BRINP3: variants seen among roughly 807,000 people sequenced by gnomAD.
BRINP3 encodes BMP/retinoic acid inducible neural specific 3.
BRINP3 carries 19 observed loss-of-function variants against 71.0 expected under a neutral mutation model. That is an observed-to-expected ratio of 0.27 (90% CI 0.19 to 0.39). BRINP3 has a LOEUF of 0.39. Ranked by LOEUF, BRINP3 falls within the 10% of genes least tolerant of loss-of-function variation. The pLI is 1.00. For missense variants in BRINP3, 959 were observed against 940.8 expected (o/e 1.02, Z -0.25); for synonymous variants, 380 against 337.7 (o/e 1.13, Z -1.37).
rs545751700 is a variant in BRINP3 at position 190,121,498 on chromosome 1, A to T, written c.1185-22364T>A. On this transcript the variant is annotated intron_variant, in intron 7 of 7. Transcript: ENST00000367462. Reference sequence around the variant, plus strand: ...GAAATCAATTTGCTAACAATGTGCTATTGATATGTTTGTATTTACTGCAGA... The same window carrying T: ...GAAATCAATTTGCTAACAATGTGCTTTTGATATGTTTGTATTTACTGCAGA... Among the ~76,000 whole-genome samples, 19 of 152,316 alleles carry T rather than the reference A, an allele frequency of 1.2e-4. 1 individual carries two copies. The South Asian group carries it at 3.9e-3, about 32-fold the overall frequency.
chr1:190,368,586 A>G (rs200003660), intron 2 of BRINP3, among the ~76,000 whole-genome samples: 1 of 152,142 alleles, frequency 6.6e-6, no homozygotes, highest in East Asian at 1.9e-4. Flanking sequence ...CCCATTTAAG[A>G]TTAAACAAGT....
In BRINP3 at chr1:190,344,859, C is replaced by T. The variant is rs540822114; in HGVS notation, c.237-63109G>A. 1.4e-3 allele frequency among the ~76,000 whole-genome samples: 206 copies of T among 151,838 alleles called. 1 individual carries two copies. The highest frequency in any genetic ancestry group is 4.7e-3 in the African/African-American group (195 of 41,502). ...ATTATTTTAACCTATATGCCATCAA[C>T]GACCTTAGGGAATAGACATTCAGAG... is the stretch of plus-strand genomic sequence containing the variant. On this transcript the variant is annotated intron_variant, in intron 2 of 7. Coordinates refer to ENST00000367462, the MANE Select transcript of BRINP3 (RefSeq NM_199051.3).
intron 7 of BRINP3, among the ~76,000 whole-genome samples, chr1:190,103,068 T>C (rs1182007442): frequency 6.6e-6 from 1 of 152,122 alleles, no homozygotes; most frequent in Non-Finnish European, 1.5e-5. Flanking sequence ...ACATTATACA[T>C]GTGTCAAAAG....
chr1:190,202,603 A>G (rs1405623918), intron 6 of BRINP3, among the ~76,000 whole-genome samples: 1 of 152,066 alleles, frequency 6.6e-6, no homozygotes, highest in Admixed American at 6.6e-5. Context: ...TAATTCCTAC[A>G]TGCTGTGGGA....
chr1:190,166,365 A>G (rs912015535), intron 6 of BRINP3, among the ~76,000 whole-genome samples: 4 of 152,294 alleles, frequency 2.6e-5, no homozygotes, highest in African/African-American at 9.6e-5. Flanking sequence ...ATATTAAAGC[A>G]TTTCAATACA....
chr1:190,431,146 C>T (rs187460908), intron 2 of BRINP3, among the ~76,000 whole-genome samples: 662 of 152,092 alleles, frequency 4.4e-3, no homozygotes, highest in Middle Eastern at 0.017. Context: ...ATTCTCATAA[C>T]ATTATTTTTA....
intron 1 of BRINP3, among the ~76,000 whole-genome samples, chr1:190,470,191 T>TA (rs965437242): frequency 1.3e-5 from 2 of 150,514 alleles, no homozygotes; most frequent in South Asian, 2.1e-4. Flanking sequence ...GAAAAGTTAA[T>TA]AAAAAAAAGC....
intron 7 of BRINP3, among the ~76,000 whole-genome samples, chr1:190,153,172 C>A (rs1207470700): frequency 6.6e-6 from 1 of 152,082 alleles, no homozygotes; most frequent in Non-Finnish European, 1.5e-5. Flanking sequence ...CCTTCTTCTT[C>A]TGTTGTCCTC....
At chr1:190,287,599 C>A (rs1284486797) in intron 2 of BRINP3, among the ~76,000 whole-genome samples, 1 of 152,040 alleles carries the variant, frequency 6.6e-6, no homozygotes, top group African/African-American at 2.4e-5. Flanking sequence ...TGTAGGATTT[C>A]TGATAAGCAC....
chr1:190,323,645 T>C (rs1666395070), intron 2 of BRINP3, among the ~76,000 whole-genome samples: 1 of 151,686 alleles, frequency 6.6e-6, no homozygotes, highest in South Asian at 2.1e-4. Flanking sequence ...TTAAGGCTGC[T>C]TATTTCACAG....
chr1:190,369,761 T>G (rs1669740953), intron 2 of BRINP3, among the ~76,000 whole-genome samples: 1 of 152,112 alleles, frequency 6.6e-6, no homozygotes. Context: ...ATAACGACTA[T>G]GAACTTACTG....
At chr1:190,296,211 T>G (rs1664243251) in intron 2 of BRINP3, among the ~76,000 whole-genome samples, 1 of 146,032 alleles carries the variant, frequency 6.8e-6, no homozygotes, top group South Asian at 2.2e-4. Flanking sequence ...ATTCCTAGGA[T>G]GTACCCACAA....
At chr1:190,419,690 T>TATACACAC (rs1553316659) in intron 2 of BRINP3, among the ~76,000 whole-genome samples, 20 of 148,358 alleles carry the variant, frequency 1.3e-4, no homozygotes, top group Non-Finnish European at 3.0e-4. Context: ...TATACATTTA[T>TATACACAC]ACACACACAC....
intron 2 of BRINP3, among the ~76,000 whole-genome samples, chr1:190,283,254 G>T (rs1212969660): frequency 6.6e-6 from 1 of 151,904 alleles, no homozygotes; most frequent in Non-Finnish European, 1.5e-5. Context: ...TCCTCGAAGG[G>T]TTCTCAAACT....
At chr1:190,348,456 C>T (rs188377765) in intron 2 of BRINP3, among the ~76,000 whole-genome samples, 2 of 152,222 alleles carry the variant, frequency 1.3e-5, no homozygotes, top group East Asian at 3.9e-4. Flanking sequence ...AGATCCTTTA[C>T]ACGAAATAAA....
In BRINP3 at chr1:190,305,581, G is replaced by A. The variant is rs201976837; in HGVS notation, c.237-23831C>T. 1.2e-4 allele frequency among the ~76,000 whole-genome samples: 18 copies of A among 151,688 alleles called. No homozygotes were observed. The East Asian group carries it at 3.3e-3, about 28-fold the overall frequency. The stretch of plus-strand genomic sequence containing the variant: ...AAAGAAGAATAGTGATTATTAGAAA[G>A]CAAGGAGAAGAGGGGGAGATGGGGG... On this transcript the variant is annotated intron_variant, in intron 2 of 7. Transcript: ENST00000367462.
chr1:190,228,671 G>C lies in BRINP3; in HGVS notation c.725-2353C>G, dbSNP rs187465546. ...GAGAAAAGAGGTTTAGGGACGCAGC[G>C]CTCAAAACACTTGAATTTTATAACC... is the stretch of plus-strand genomic sequence containing the variant. On this transcript the variant is annotated intron_variant, in intron 5 of 7. Transcript: ENST00000367462. 3.8e-3 allele frequency among the ~76,000 whole-genome samples: 575 copies of C among 151,930 alleles called. 4 individuals carry two copies. Among genetic ancestry groups the C allele is most frequent in the Non-Finnish European group, 6.2e-3 (424 of 67,958 alleles).
At chr1:190,204,470 T>C (rs1655315357) in intron 6 of BRINP3, among the ~76,000 whole-genome samples, 2 of 151,998 alleles carry the variant, frequency 1.3e-5, no homozygotes, top group African/African-American at 4.8e-5. Context: ...GGATTCATTA[T>C]GTGTAGCTTC....
chr1:190,247,789 T>C (rs533710986), intron 4 of BRINP3, among the ~76,000 whole-genome samples: 27 of 151,944 alleles, frequency 1.8e-4, no homozygotes, highest in Admixed American at 6.6e-4. Context: ...CATGATCTCC[T>C]CCAAGCTATT....
Sources: allele counts gnomAD v4.1 joint callset (sites outside exome capture counted in the v4.1 genomes callset), GRCh38; gene constraint gnomAD v4.1.1; transcripts MANE v1.5; gene names NCBI Gene and HGNC (gene_info 2026-07-23, HGNC 2026-07-21).